Variants in WDFY2 observed in about 807,000 individuals in gnomAD.
WDFY2 encodes WD repeat and FYVE domain containing 2, also known as WD repeat and FYVE domain-containing protein 2.
In WDFY2, 36 loss-of-function variants were observed where a neutral mutation model predicts 56.4. The ratio of observed to expected loss-of-function variants is 0.64; its 90% CI spans 0.49 to 0.84. The LOEUF is 0.84. Ranked by LOEUF, WDFY2 falls within the 40% of genes least tolerant of loss-of-function variation. WDFY2 has a pLI of 0.00. For missense variants in WDFY2, 444 were observed against 512.2 expected (o/e 0.87, Z 1.29); for synonymous variants, 176 against 183.7 (o/e 0.96, Z 0.34).
At chr13:51,731,019 G>C (rs1439230528) in intron 6 of WDFY2, among the ~76,000 whole-genome samples, 1 of 152,216 alleles carries the variant, frequency 6.6e-6, no homozygotes, top group African/African-American at 2.4e-5. Flanking sequence ...TTAAAAGGTT[G>C]TCTGGCAGTA....
chr13:51,584,583 C>T lies in WDFY2; in HGVS notation c.-105C>T, dbSNP rs1953897776. Reference sequence around the variant, plus strand: ...GCCGGTTTCCGGCGTTCCGCTCCGGCCAGCCAGAGTCTCTGTCTCAACCTG... The same window carrying T: ...GCCGGTTTCCGGCGTTCCGCTCCGGTCAGCCAGAGTCTCTGTCTCAACCTG... On this transcript the variant is annotated 5_prime_UTR_variant, in exon 1 of 12. Coordinates refer to ENST00000298125, the MANE Select transcript of WDFY2 (RefSeq NM_052950.4). 7.1e-7 allele frequency: 1 copy of T among 1,406,524 alleles called. No homozygotes were observed. Among genetic ancestry groups the T allele is most frequent in the East Asian group, 2.5e-5 (1 of 39,600 alleles). 87.1% of individuals were successfully genotyped at this position (1,406,524 alleles called of 1,614,324 possible).
chr13:51,624,147 G>A (rs1473046468), intron 1 of WDFY2, among the ~76,000 whole-genome samples: 1 of 152,120 alleles, frequency 6.6e-6, no homozygotes, highest in Non-Finnish European at 1.5e-5. Context: ...ACTTTTTCTT[G>A]GGGCAGTTTG....
At chr13:51,617,807 C>A (rs1358972111) in intron 1 of WDFY2, among the ~76,000 whole-genome samples, 1 of 152,208 alleles carries the variant, frequency 6.6e-6, no homozygotes, top group Non-Finnish European at 1.5e-5. Flanking sequence ...TGCGGGCTAA[C>A]ATTCTAGGCC....
chr13:51,710,105 C>T (rs1952177122), intron 4 of WDFY2, among the ~76,000 whole-genome samples: 1 of 152,196 alleles, frequency 6.6e-6, no homozygotes, highest in Non-Finnish European at 1.5e-5. Context: ...AAGTAGGCTT[C>T]ATCCCTGGGA....
chr13:51,626,838 G>A (rs1477034396), intron 1 of WDFY2, among the ~76,000 whole-genome samples: 1 of 152,190 alleles, frequency 6.6e-6, no homozygotes, highest in East Asian at 1.9e-4. Flanking sequence ...GGTGCCTTCT[G>A]CCTGAGTAAT....
intron 3 of WDFY2, among the ~76,000 whole-genome samples, chr13:51,695,707 C>G (rs1951855480): frequency 2.0e-5 from 3 of 152,230 alleles, no homozygotes. Context: ...CCACTGCTCT[C>G]TTCAAAGCTG....
intron 2 of WDFY2, among the ~76,000 whole-genome samples, chr13:51,664,870 A>G (rs1343709359): frequency 1.3e-5 from 2 of 152,228 alleles, no homozygotes; most frequent in African/African-American, 4.8e-5. Context: ...AAAAAGTAGT[A>G]TTTGATCTTG....
At chr13:51,677,587 G>A (rs936703088) in intron 3 of WDFY2, among the ~76,000 whole-genome samples, 4 of 152,116 alleles carry the variant, frequency 2.6e-5, no homozygotes, top group African/African-American at 7.2e-5. Context: ...AACTAAGAAA[G>A]TGTGAAATCA....
chr13:51,755,722 A>C (rs1593481989), intron 9 of WDFY2, among the ~76,000 whole-genome samples: 1 of 152,212 alleles, frequency 6.6e-6, no homozygotes, highest in East Asian at 1.9e-4. Flanking sequence ...TGCACCTTAC[A>C]ATTAGAGGTG....
At chr13:51,701,734 G>A (rs901068807) in intron 3 of WDFY2, among the ~76,000 whole-genome samples, 2 of 151,988 alleles carry the variant, frequency 1.3e-5, no homozygotes, top group Admixed American at 1.3e-4. Flanking sequence ...TGTTTTGAAA[G>A]GAATTGAGGT....
chr13:51,621,836 G>A (rs1954733320), intron 1 of WDFY2, among the ~76,000 whole-genome samples: 1 of 151,960 alleles, frequency 6.6e-6, no homozygotes, highest in Non-Finnish European at 1.5e-5. Context: ...TGGGTGGAGG[G>A]TTGAAAAAAA....
chr13:51,641,230 C>T (rs1445837710), intron 1 of WDFY2, among the ~76,000 whole-genome samples: 7 of 151,784 alleles, frequency 4.6e-5, no homozygotes, highest in South Asian at 4.2e-4. Flanking sequence ...CTGCTGCGCC[C>T]GGCTAATTCT....
intron 1 of WDFY2, chr13:51,588,957 A>C (rs1953995211): frequency 6.6e-6 from 1 of 152,224 alleles, no homozygotes; most frequent in African/African-American, 2.4e-5. Flanking sequence ...GTTACTGGGG[A>C]GGGCGATATG....
rs543142777 is a variant in WDFY2, at chr13:51,761,399, C to T, written c.*1630C>T. The T allele has an allele frequency of 6.6e-6, 1 of 152,200 alleles. No homozygotes were observed. Among genetic ancestry groups the T allele is most frequent in the Non-Finnish European group, 1.5e-5 (1 of 68,042 alleles). The allele number at this position is 152,200 out of a possible 1,614,324, so 9.4% of individuals were successfully genotyped here. On this transcript the variant is annotated 3_prime_UTR_variant, in exon 12 of 12. Coordinates refer to ENST00000298125, the MANE Select transcript of WDFY2 (RefSeq NM_052950.4). ...TTAATGGCAAGCCTGCGCCAGGTGC[C>T]TGCCCCTCCTAAGCACTTTACACGC...
chr13:51,667,189 A>C (rs936551167), intron 2 of WDFY2, among the ~76,000 whole-genome samples: 1 of 152,200 alleles, frequency 6.6e-6, no homozygotes, highest in Non-Finnish European at 1.5e-5. Context: ...CATTGCTGAT[A>C]CTTAACCCGG....
intron 1 of WDFY2, among the ~76,000 whole-genome samples, chr13:51,608,596 G>A (rs900248683): frequency 2.0e-5 from 3 of 152,160 alleles, no homozygotes; most frequent in Middle Eastern, 3.2e-3. Flanking sequence ...CAGGACAATC[G>A]CTTGCACCTG....
At chr13:51,616,159 C>G (rs959234914) in intron 1 of WDFY2, among the ~76,000 whole-genome samples, 4 of 152,128 alleles carry the variant, frequency 2.6e-5, no homozygotes, top group African/African-American at 9.7e-5. Flanking sequence ...ATTGCTTGAA[C>G]CCAGGAGGTC....
chr13:51,683,920 TTTTC>T (rs1956019000), intron 3 of WDFY2, among the ~76,000 whole-genome samples: 1 of 152,124 alleles, frequency 6.6e-6, no homozygotes, highest in African/African-American at 2.4e-5. Flanking sequence ...CCTGAGTAGT[TTTTC>T]TTTCCAAGAT....
At chr13:51,584,900 G>A (rs775772767) in intron 1 of WDFY2, 76 bp downstream of exon 1, 15 of 1,575,562 alleles carry the variant, frequency 9.5e-6, no homozygotes, top group Non-Finnish European at 1.2e-5. Flanking sequence ...CAGGGGCTGT[G>A]CCTTCACGTC....
Sources: gnomAD v4.1 joint callset for allele counts (sites outside exome capture counted in the v4.1 genomes callset) on GRCh38, gnomAD v4.1.1 for gene constraint, MANE v1.5 for transcripts, NCBI Gene and HGNC (gene_info 2026-07-23, HGNC 2026-07-21) for gene names.